Variants in COL28A1 observed in about 807,000 individuals in gnomAD.
COL28A1 encodes the protein collagen alpha-1(XXVIII) chain.
Under a neutral mutation model 150.2 loss-of-function variants are expected in COL28A1, and 161 were observed. The ratio of observed to expected loss-of-function variants is 1.07; its 90% CI spans 0.94 to 1.22. COL28A1 has a LOEUF of 1.22. COL28A1 is among the 50% of genes most tolerant of loss of function. The pLI is 0.00. For synonymous variants in COL28A1, 552 were observed against 469.7 expected, an observed-to-expected ratio of 1.18 and a Z score of -2.26; for missense variants, 1,617 against 1,388.3, an observed-to-expected ratio of 1.16 and a Z score of -2.62.
In COL28A1 at chr7:7,380,847, GTTCTCCGTGCTCTCCC is replaced by G; in HGVS notation, c.2206-1_2220del. The G allele has an allele frequency of 1.2e-6, 2 of 1,613,410 alleles. No homozygotes were observed. The highest frequency in any genetic ancestry group is 1.7e-6 in the Non-Finnish European group (2 of 1,179,478). ...TCACCTTTCTTTCCCACATCGCCCC[GTTCTCCGTGCTCTCCC>G]TTTACACAATAGGGTAAAATGATAG... On this transcript the variant is annotated splice_acceptor_variant and coding_sequence_variant, in exon 29 of 35. Transcript: ENST00000399429. LOFTEE classifies it high-confidence loss of function.
At chr7:7,399,956 T>C (rs116079094) in intron 27 of COL28A1, among the ~76,000 whole-genome samples, 27 of 152,350 alleles carry the variant, frequency 1.8e-4, no homozygotes, top group Admixed American at 2.6e-4. Context: ...GCTGCTACAA[T>C]AGCAGCAGGA....
intron 4 of COL28A1, among the ~76,000 whole-genome samples, chr7:7,522,606 G>A (rs1781786821): frequency 6.6e-6 from 1 of 152,002 alleles, no homozygotes; most frequent in Non-Finnish European, 1.5e-5. Flanking sequence ...ACATACTTAA[G>A]AAATGCTTCA....
At chr7:7,454,612 G>T (rs1030613717) in intron 16 of COL28A1, among the ~76,000 whole-genome samples, 1 of 152,052 alleles carries the variant, frequency 6.6e-6, no homozygotes, top group Non-Finnish European at 1.5e-5. Context: ...AGCATTAAAG[G>T]CGACAGGAAG....
chr7:7,441,559 T>G (rs1023160189), intron 20 of COL28A1, among the ~76,000 whole-genome samples: 33 of 151,024 alleles, frequency 2.2e-4, no homozygotes, highest in East Asian at 7.7e-4. Flanking sequence ...GGTCTGCAGC[T>G]GAGGCTATTT....
chr7:7,507,162 C>A lies in COL28A1; in HGVS notation c.928-1G>T. 1 of 1,206,614 alleles carries A rather than the reference C, an allele frequency of 8.3e-7. No individual in the cohort carries two copies. Among genetic ancestry groups the A allele is most frequent in the South Asian group, 1.2e-5 (1 of 81,488 alleles). The allele number at this position is 1,206,614 out of a possible 1,614,324, so 74.7% of individuals were successfully genotyped here. ...TTGGTCCATATGGCCCTGGGGATCC[C>A]TGTGGAATAAAATTGAAAATAAGTC... On this transcript the variant is annotated splice_acceptor_variant, in intron 9 of 34. Coordinates refer to ENST00000399429, the MANE Select transcript of COL28A1 (RefSeq NM_001037763.3). LOFTEE classifies it high-confidence loss of function.
At chr7:7,503,292 C>T (rs929316481) in intron 11 of COL28A1, among the ~76,000 whole-genome samples, 1 of 152,038 alleles carries the variant, frequency 6.6e-6, no homozygotes, top group Admixed American at 6.6e-5. Flanking sequence ...CTAATCTGTA[C>T]AATGGAAATA....
intron 13 of COL28A1, among the ~76,000 whole-genome samples, chr7:7,487,749 C>A (rs1331683978): frequency 6.6e-6 from 1 of 152,084 alleles, no homozygotes; most frequent in East Asian, 1.9e-4. Flanking sequence ...CGGGCAAAAT[C>A]TTTTTCTATT....
intron 30 of COL28A1, among the ~76,000 whole-genome samples, chr7:7,380,431 G>C (rs1053607457): frequency 3.3e-5 from 5 of 152,112 alleles, no homozygotes; most frequent in Non-Finnish European, 7.4e-5. Context: ...TCCGAGTGGA[G>C]TAGTCACACA....
At chr7:7,416,869 G>C (rs970411423) in intron 27 of COL28A1, among the ~76,000 whole-genome samples, 1 of 152,110 alleles carries the variant, frequency 6.6e-6, no homozygotes, top group Non-Finnish European at 1.5e-5. Flanking sequence ...AGCTCCTACT[G>C]TCTCCTACTG....
At chr7:7,477,243 AAAAGAGG>A in intron 13 of COL28A1, 63 bp from the exon 14 acceptor site, 1 of 825,312 alleles carries the variant, frequency 1.2e-6, no homozygotes, top group Non-Finnish European at 2.1e-6. Context: ...GGAGTGATGA[AAAAGAGG>A]AAAGAGGAAG....
intron 27 of COL28A1, among the ~76,000 whole-genome samples, chr7:7,392,418 A>G (rs1782600136): frequency 6.6e-6 from 1 of 151,916 alleles, no homozygotes; most frequent in African/African-American, 2.4e-5. Context: ...TTTTTCCTTC[A>G]TTTCAACCTT....
downstream of COL28A1, chr7:7,357,737 A>T (rs1780409510): frequency 8.1e-6 from 1 of 123,318 alleles, no homozygotes; most frequent in African/African-American, 2.5e-5. Flanking sequence ...CCCAGACAGG[A>T]TCTTGCAAAA....
intron 27 of COL28A1, among the ~76,000 whole-genome samples, chr7:7,396,666 G>A (rs1562543280): frequency 6.6e-6 from 1 of 152,150 alleles, no homozygotes; most frequent in Admixed American, 6.5e-5. Flanking sequence ...TATCAGGCAA[G>A]CCATTTGTTG....
At chr7:7,347,463 T>C in the COL28A1 span, among the ~76,000 whole-genome samples, 1 of 152,122 alleles carries the variant, frequency 6.6e-6, no homozygotes, top group African/African-American at 2.4e-5. Flanking sequence ...AATACTGCAG[T>C]GTCCAACCTA....
At chr7:7,447,662 A>T (rs982704554) in intron 18 of COL28A1, among the ~76,000 whole-genome samples, 4 of 152,124 alleles carry the variant, frequency 2.6e-5, no homozygotes, top group African/African-American at 9.7e-5. Flanking sequence ...TGAAGGATAC[A>T]AATTAAAATT....
intron 15 of COL28A1, among the ~76,000 whole-genome samples, chr7:7,460,264 A>C (rs568375690): frequency 6.6e-6 from 1 of 152,320 alleles, no homozygotes; most frequent in East Asian, 1.9e-4. Flanking sequence ...GCTGGAGGGC[A>C]TCAACACTAG....
chr7:7,455,819 C>T lies in COL28A1; in HGVS notation c.1371+225G>A, dbSNP rs1252263203. On this transcript the variant is annotated intron_variant, in intron 16 of 34. Coordinates refer to ENST00000399429, the MANE Select transcript of COL28A1 (RefSeq NM_001037763.3). ...TAGGTTTTAATGTTAAAAGTCACAG[C>T]ATCAAGAAACACACTACTTATTTTT... Among the ~76,000 whole-genome samples the T allele has an allele frequency of 2.0e-5, 3 of 152,206 alleles. No individual in the cohort carries two copies. The East Asian group carries it at 5.8e-4, about 29-fold the overall frequency.
intron 27 of COL28A1, among the ~76,000 whole-genome samples, chr7:7,383,680 G>GTTTATATATA (rs1366244976): frequency 2.2e-5 from 1 of 46,352 alleles, no homozygotes; most frequent in Non-Finnish European, 5.1e-5. Context: ...GTGTGTGTGT[G>GTTTATATATA]TGTATATATA....
the COL28A1 span, among the ~76,000 whole-genome samples, chr7:7,341,179 G>A: frequency 6.6e-6 from 1 of 152,232 alleles, no homozygotes; most frequent in African/African-American, 2.4e-5. Flanking sequence ...CCCAGTGTAT[G>A]ATGTAGAAGG....
Sources: gnomAD v4.1 joint callset for allele counts (sites outside exome capture counted in the v4.1 genomes callset) on GRCh38, gnomAD v4.1.1 for gene constraint, MANE v1.5 for transcripts, NCBI Gene and HGNC (gene_info 2026-07-23, HGNC 2026-07-21) for gene names.